NAV3: variants seen among roughly 807,000 people sequenced by gnomAD.
NAV3 encodes pore membrane and/or filament interacting like protein 1.
A neutral mutation model predicts 244.7 loss-of-function variants in NAV3; 87 were observed. The ratio of observed to expected loss-of-function variants is 0.36; its 90% CI spans 0.30 to 0.42. The LOEUF (loss-of-function observed/expected upper bound fraction) is 0.42, where lower values mean the gene tolerates loss of function less well. Ranked by LOEUF, NAV3 falls within the 20% of genes least tolerant of loss-of-function variation. The probability of loss-of-function intolerance (pLI) is 1.00; values close to 1 mark genes in which losing one functional copy is unlikely to be tolerated. For synonymous variants in NAV3, 1,126 were observed against 1,042.2 expected, an observed-to-expected ratio of 1.08 and a Z score of -1.55; for missense variants, 2,663 against 2,893.3, an observed-to-expected ratio of 0.92 and a Z score of 1.83.
At position 77,714,505 on chromosome 12, in the gene NAV3, C is replaced by T. The variant is rs778306032; in HGVS notation, c.72+142239C>T. On this transcript the variant is annotated intron_variant, in intron 2 of 8. Transcript: ENST00000550042. ...TTAGAATTGAAGGTACAGCCTTGCTCGAGGTTTGGTTTCATTCTTGTCTTA... is the reference window on the plus strand; with the variant it reads ...TTAGAATTGAAGGTACAGCCTTGCTTGAGGTTTGGTTTCATTCTTGTCTTA... Among the ~76,000 whole-genome samples, 21 of 152,170 alleles carry T rather than the reference C, an allele frequency of 1.4e-4. 1 individual carries two copies. The highest frequency in any genetic ancestry group is 3.4e-3 in the Middle Eastern group (1 of 294).
chr12:77,701,029 T>G (rs1366165038), intron 2 of NAV3, among the ~76,000 whole-genome samples: 1 of 151,842 alleles, frequency 6.6e-6, no homozygotes, highest in Non-Finnish European at 1.5e-5. Context: ...CTTGTAATTA[T>G]TTTTTGCATG....
chr12:78,036,721 A>G, intron 9 of NAV3: 1 of 583,022 alleles, frequency 1.7e-6, no homozygotes, highest in Non-Finnish European at 3.1e-6. Context: ...TATATACTAT[A>G]TCTCTAGAAT....
At chr12:77,667,714 ATGGCCC>A (rs1185064086) in intron 2 of NAV3, among the ~76,000 whole-genome samples, 2 of 152,032 alleles carry the variant, frequency 1.3e-5, no homozygotes, top group Admixed American at 6.6e-5. Flanking sequence ...TGGTAGCTCT[ATGGCCC>A]TGTCCACCAC....
chr12:78,004,888 G>T (rs912396666), intron 7 of NAV3, among the ~76,000 whole-genome samples: 3 of 152,156 alleles, frequency 2.0e-5, no homozygotes, highest in Non-Finnish European at 4.4e-5. Context: ...TATTACTGTG[G>T]GTTGGATGTG....
At chr12:77,650,458 G>A (rs1260297132) in intron 2 of NAV3, among the ~76,000 whole-genome samples, 1 of 152,026 alleles carries the variant, frequency 6.6e-6, no homozygotes, top group Non-Finnish European at 1.5e-5. Context: ...AGTTTCATTT[G>A]ATGTTGAGTT....
chr12:77,845,123 G>A (rs910608253), intron 1 of NAV3, among the ~76,000 whole-genome samples: 2 of 151,958 alleles, frequency 1.3e-5, no homozygotes, highest in Non-Finnish European at 2.9e-5. Context: ...GTATAAATAT[G>A]TATATGTGTG....
At chr12:77,860,942 C>G (rs999137833) in intron 1 of NAV3, among the ~76,000 whole-genome samples, 1 of 151,838 alleles carries the variant, frequency 6.6e-6, no homozygotes, top group African/African-American at 2.4e-5. Context: ...TGGCTGTACC[C>G]TACAATATTC....
intron 3 of NAV3, among the ~76,000 whole-genome samples, chr12:77,963,775 A>G (rs1181796833): frequency 6.6e-6 from 1 of 151,938 alleles, no homozygotes; most frequent in African/African-American, 2.4e-5. Flanking sequence ...TGATAAATAC[A>G]TTTGAAAATA....
At chr12:78,009,165 A>G (rs897643248) in intron 8 of NAV3, among the ~76,000 whole-genome samples, 1 of 152,190 alleles carries the variant, frequency 6.6e-6, no homozygotes, top group African/African-American at 2.4e-5. Context: ...GTAACTTTTA[A>G]ATATCAAAAA....
chr12:77,814,762 A>G (rs1028081819), intron 2 of NAV3, among the ~76,000 whole-genome samples: 8 of 152,186 alleles, frequency 5.3e-5, no homozygotes, highest in African/African-American at 1.9e-4. Flanking sequence ...CTTTAAACCA[A>G]GTTCAGACTG....
In NAV3 at chr12:77,961,667, CATACATGTA is replaced by C. The variant is rs1892023275; in HGVS notation, c.415-4558_415-4550del. ...ATATATTATTACATTATATATATTA[CATACATGTA>C]ATATATGTAATATATGTTATATAAT... On this transcript the variant is annotated intron_variant, in intron 3 of 39. Coordinates refer to ENST00000397909, the MANE Select transcript of NAV3 (RefSeq NM_001024383.2). Among the ~76,000 whole-genome samples the C allele has an allele frequency of 4.4e-5, 6 of 137,048 alleles. No individual in the cohort carries two copies. The South Asian group carries it at 1.5e-3, about 35-fold the overall frequency. The allele number at this position is 137,048 out of a possible 152,430, so 89.9% of individuals were successfully genotyped here. A position where few individuals can be genotyped will look rare whatever the true frequency, so the allele number is the denominator to read the frequency against.
intron 2 of NAV3, among the ~76,000 whole-genome samples, chr12:77,795,442 T>C (rs1402299895): frequency 6.6e-6 from 1 of 152,140 alleles, no homozygotes; most frequent in Non-Finnish European, 1.5e-5. Flanking sequence ...CAAGCGATGA[T>C]GTGCAATCTG....
chr12:77,831,488 A>G lies in NAV3; in HGVS notation c.27A>G (p.Lys9=), dbSNP rs1031104645. The G allele has an allele frequency of 6.2e-7, 1 of 1,608,660 alleles. No individual in the cohort carries two copies. The highest frequency in any genetic ancestry group is 8.5e-7 in the Non-Finnish European group (1 of 1,178,634). The change falls in exon 1 of 40, where the codon AAA becomes AAG. Residue 9 remains lysine, a synonymous_variant. Coordinates refer to ENST00000397909, the MANE Select transcript of NAV3 (RefSeq NM_001024383.2). ...TGCCTGTTCTTGGGGTTGCCTCAAAACTGAGGCAGCCAGCTGTTGGGTCAA... is the reference window on the plus strand; with the variant it reads ...TGCCTGTTCTTGGGGTTGCCTCAAAGCTGAGGCAGCCAGCTGTTGGGTCAA... The part of the protein sequence containing the change: MPVLGVAS[K]LRQPAVGSKP...
chr12:77,766,735 G>GTTTGTTTTTTTTTTTTTTTTTTTT lies in NAV3; in HGVS notation c.73-173581_73-173580insGTTTTTTTTTTTTTTTTTTTTTTT, dbSNP rs1555202961. On this transcript the variant is annotated intron_variant, in intron 2 of 8. Coordinates refer to the NAV3 transcript ENST00000550042. ...AGGATTCTAAAAAACAGGCAATTAA[G>GTTTGTTTTTTTTTTTTTTTTTTTT]TTTTTTTTTTTTTTTTTTTTTTTTT... Among the ~76,000 whole-genome samples the GTTTGTTTTTTTTTTTTTTTTTTTT allele has an allele frequency of 6.1e-4, 37 of 60,514 alleles. 11 individuals carry two copies. Among genetic ancestry groups the GTTTGTTTTTTTTTTTTTTTTTTTT allele is most frequent in the South Asian group, 1.7e-3 (2 of 1,190 alleles). 39.7% of individuals were successfully genotyped at this position (60,514 alleles called of 152,430 possible).
intron 2 of NAV3, among the ~76,000 whole-genome samples, chr12:77,637,329 T>C (rs1361168537): frequency 1.3e-5 from 2 of 152,094 alleles, no homozygotes; most frequent in Non-Finnish European, 2.9e-5. Flanking sequence ...TTTTAAAGAT[T>C]AAGTGTTTAT....
At chr12:77,598,725 C>A (rs1870286403) in intron 2 of NAV3, among the ~76,000 whole-genome samples, 1 of 151,908 alleles carries the variant, frequency 6.6e-6, no homozygotes, top group East Asian at 1.9e-4. Flanking sequence ...TGTAAAGTGA[C>A]TTACAAGAGT....
intron 23 of NAV3, among the ~76,000 whole-genome samples, chr12:78,166,065 A>G (rs1957769203): frequency 6.6e-6 from 1 of 151,946 alleles, no homozygotes; most frequent in African/African-American, 2.4e-5. Context: ...ATTTCAACAA[A>G]GTCATCCCAA....
At chr12:77,832,630 C>A (rs1873917005) in intron 1 of NAV3, among the ~76,000 whole-genome samples, 1 of 152,102 alleles carries the variant, frequency 6.6e-6, no homozygotes. Context: ...CTTTGTGTTG[C>A]AAACATTATA....
At chr12:77,865,382 TA>T (rs5799350) in intron 1 of NAV3, among the ~76,000 whole-genome samples, 148,280 of 152,100 alleles carry the variant, frequency 0.97, 72,377 homozygotes, top group East Asian at 1. Flanking sequence ...AGCCCTCTTC[TA>T]AACACACATA....
Sources: gnomAD v4.1 joint callset for allele counts (sites outside exome capture counted in the v4.1 genomes callset) on GRCh38, gnomAD v4.1.1 for gene constraint, MANE v1.5 for transcripts, NCBI Gene and HGNC (gene_info 2026-07-23, HGNC 2026-07-21) for gene names.